NUP133: variants seen among roughly 807,000 people sequenced by gnomAD.
NUP133 encodes the protein nuclear pore complex protein Nup133.
A neutral mutation model predicts 146.2 loss-of-function variants in NUP133; 66 were observed. The ratio of observed to expected loss-of-function variants is 0.45; its 90% CI spans 0.37 to 0.55. The LOEUF is 0.55. NUP133 is among the 20% of genes least tolerant of loss of function. NUP133 has a pLI of 0.00. For missense variants in NUP133, 1,277 were observed against 1,374.8 expected, an observed-to-expected ratio of 0.93 and a Z score of 1.12; for synonymous variants, 521 against 498.8, an observed-to-expected ratio of 1.04 and a Z score of -0.59.
chr1:229,459,861 C>A (rs541911269), intron 20 of NUP133, among the ~76,000 whole-genome samples: 1 of 152,136 alleles, frequency 6.6e-6, no homozygotes, highest in East Asian at 1.9e-4. Context: ...GACTTCAACT[C>A]CTCTGGATAT....
At chr1:229,505,427 C>A (rs1250828654) in intron 2 of NUP133, among the ~76,000 whole-genome samples, 1 of 152,008 alleles carries the variant, frequency 6.6e-6, no homozygotes, top group Admixed American at 6.6e-5. Flanking sequence ...CAGGCATCCA[C>A]TGGGGATCCT....
At chr1:229,464,990 C>A in intron 17 of NUP133, 115 bp from the exon 18 acceptor site, 1 of 1,219,434 alleles carries the variant, frequency 8.2e-7, no homozygotes. Flanking sequence ...TTACATTGAA[C>A]AGGGATTCAG....
intron 5 of NUP133, among the ~76,000 whole-genome samples, chr1:229,499,430 G>T (rs927951614): frequency 6.6e-5 from 10 of 151,964 alleles, no homozygotes; most frequent in African/African-American, 2.2e-4. Flanking sequence ...TCCCTCCCCG[G>T]CCTCTATAGT....
chr1:229,467,925 A>G (rs1660861445), intron 15 of NUP133, among the ~76,000 whole-genome samples: 1 of 147,268 alleles, frequency 6.8e-6, no homozygotes, highest in South Asian at 2.1e-4. Flanking sequence ...CTCAGTCTCA[A>G]AAAAAAAAAA....
Position 229,502,044 on chromosome 1 carries a change from T to C in NUP133, c.360A>G (p.Lys120=). 6.2e-7 allele frequency: 1 copy of C among 1,614,048 alleles called. No individual in the cohort carries two copies. Among genetic ancestry groups the C allele is most frequent in the South Asian group, 1.1e-5 (1 of 91,090 alleles). ...DEGGWACLVC[K]EKLIIWKIAL... ...CAATCTTCCAAATAATGAGCTTCTC[T>C]TTGCACACCAGACAAGCCCATCCAC... Residue 120 remains lysine, a synonymous_variant, in exon 3 of 26, where the codon AAA becomes AAG. Transcript: ENST00000261396.
At chr1:229,491,647 G>T (rs115830692) in intron 8 of NUP133, among the ~76,000 whole-genome samples, 1 of 152,160 alleles carries the variant, frequency 6.6e-6, no homozygotes, top group Non-Finnish European at 1.5e-5. Context: ...GCATGGTGGC[G>T]TGTGCCTGTA....
intron 12 of NUP133, among the ~76,000 whole-genome samples, chr1:229,481,713 A>AG (rs11375513): frequency 6.6e-6 from 1 of 150,644 alleles, no homozygotes; most frequent in East Asian, 1.9e-4. Context: ...AAAAAAAAAA[A>AG]GGCCATGTGA....
chr1:229,471,435 G>T (rs979120154), intron 14 of NUP133, among the ~76,000 whole-genome samples: 1 of 152,066 alleles, frequency 6.6e-6, no homozygotes, highest in African/African-American at 2.4e-5. Flanking sequence ...CCCTTTACTA[G>T]CTGTATCAAT....
chr1:229,444,306 G>A (rs1660255909), intron 25 of NUP133, among the ~76,000 whole-genome samples: 1 of 151,946 alleles, frequency 6.6e-6, no homozygotes. Context: ...ACTCCAGCCT[G>A]GGCAACAGAA....
At chr1:229,506,552 T>C (rs1661943968) in intron 1 of NUP133, among the ~76,000 whole-genome samples, 1 of 149,430 alleles carries the variant, frequency 6.7e-6, no homozygotes, top group South Asian at 2.1e-4. Flanking sequence ...TGTGGTCAAA[T>C]ACATTTTATA....
rs1467132281 is a variant in NUP133 at position 229,472,952 on chromosome 1, T to C, written c.1852-2148A>G. On this transcript the variant is annotated intron_variant, in intron 14 of 25. Transcript: ENST00000261396. ...AGGAGAAAAGGAATATTTCTCTGTA[T>C]TCAGAAATATTCCCTAGGGCTGGGT... Among the ~76,000 whole-genome samples, 3 of 151,986 alleles carry C rather than the reference T, an allele frequency of 2.0e-5. No individual in the cohort carries two copies. In the East Asian group the frequency reaches 5.8e-4, roughly 29 times the overall value.
chr1:229,491,533 C>T lies in NUP133; in HGVS notation c.1047-1431G>A, dbSNP rs1445166802. The stretch of plus-strand genomic sequence containing the variant: ...GTGTTTCACACCTGTAACCCCAGCA[C>T]TTTGGGAGGCCGAGGTGGGCATATC... On this transcript the variant is annotated intron_variant, in intron 8 of 25. Coordinates refer to ENST00000261396, the MANE Select transcript of NUP133 (RefSeq NM_018230.3). Among the ~76,000 whole-genome samples, 6 of 152,310 alleles carry T rather than the reference C, an allele frequency of 3.9e-5. No homozygotes were observed. The East Asian group carries it at 5.8e-4, about 15-fold the overall frequency.
At chr1:229,450,727 G>C in intron 22 of NUP133, 122 bp from the exon 23 acceptor site, 1 of 498,252 alleles carries the variant, frequency 2.0e-6, no homozygotes, top group Non-Finnish European at 3.5e-6. Flanking sequence ...TTGTTTGTTT[G>C]TTTGTTTGTT....
chr1:229,496,139 T>C (rs1203210273), intron 6 of NUP133, 92 bp from the exon 7 acceptor site: 1 of 967,756 alleles, frequency 1.0e-6, no homozygotes, highest in Non-Finnish European at 1.4e-6. Context: ...CATATGTGAT[T>C]AGTAATCCTA....
Position 229,452,481 on chromosome 1 carries a change from T to G in NUP133, c.3099+44A>C, listed in dbSNP as rs79575284. On this transcript the variant is annotated intron_variant, in intron 22 of 25. Coordinates refer to ENST00000261396, the MANE Select transcript of NUP133 (RefSeq NM_018230.3). The stretch of plus-strand genomic sequence containing the variant: ...CATGGCCCAACAAACACCAAAAAGG[T>G]TTTGAGTTTAAGAAATAGCGTTAAG... 3,306 of 1,487,142 alleles carry G rather than the reference T, an allele frequency of 2.2e-3. 6 individuals are homozygous for G. The highest frequency in any genetic ancestry group is 2.7e-3 in the Non-Finnish European group (2,882 of 1,074,460). The allele number at this position is 1,487,142 out of a possible 1,614,324, so 92.1% of individuals were successfully genotyped here.
Position 229,493,515 on chromosome 1 carries a change from C to CAA in NUP133, c.1046+1979_1046+1980insTT, listed in dbSNP as rs1307048273. ...ATTATAAGCCCAGATTGTAGCTCTG[C>CAA]CCAAATGGACAACAAATCAGTAGGT... On this transcript the variant is annotated intron_variant, in intron 8 of 25. Coordinates refer to ENST00000261396, the MANE Select transcript of NUP133 (RefSeq NM_018230.3). Among the ~76,000 whole-genome samples the CAA allele has an allele frequency of 2.0e-5, 3 of 152,242 alleles. No individual in the cohort carries two copies. In the East Asian group the frequency reaches 5.8e-4, roughly 29 times the overall value.
intron 12 of NUP133, among the ~76,000 whole-genome samples, chr1:229,478,267 C>T (rs1221354725): frequency 1.3e-5 from 2 of 151,770 alleles, no homozygotes; most frequent in East Asian, 1.9e-4. Flanking sequence ...AACTATTATC[C>T]ATTCATTAAT....
chr1:229,499,851 A>C, intron 4 of NUP133, 33 bp from the exon 5 acceptor site: 1 of 1,587,990 alleles, frequency 6.3e-7, no homozygotes, highest in Non-Finnish European at 8.6e-7. Flanking sequence ...CAGCAATCAC[A>C]ATAAAAGAGG....
chr1:229,506,311 A>C (rs553430338), intron 1 of NUP133, among the ~76,000 whole-genome samples, 153 bp from the exon 2 acceptor site: 1 of 148,152 alleles, frequency 6.7e-6, no homozygotes, highest in South Asian at 2.1e-4. Flanking sequence ...TTTTTCATGT[A>C]AAAAAAAAAC....
Sources: gnomAD v4.1 joint callset for allele counts (sites outside exome capture counted in the v4.1 genomes callset) on GRCh38, gnomAD v4.1.1 for gene constraint, MANE v1.5 for transcripts, NCBI Gene and HGNC (gene_info 2026-07-23, HGNC 2026-07-21) for gene names.